ZDHHC14: variants seen among roughly 807,000 people sequenced by gnomAD.
ZDHHC14 encodes zDHHC palmitoyltransferase 14.
A neutral mutation model predicts 47.7 loss-of-function variants in ZDHHC14; 16 were observed. The observed-to-expected ratio is 0.34, with a 90% CI of 0.23 to 0.51. The LOEUF is 0.51. Among genes scored for constraint, ZDHHC14 ranks in the 20% least tolerant of loss-of-function variants. The pLI is 0.97. For missense variants in ZDHHC14, 515 were observed against 662.5 expected (o/e 0.78, Z 2.44); for synonymous variants, 293 against 278.9 (o/e 1.05, Z -0.50).
chr6:157,652,066 G>C (rs1777865784), intron 7 of ZDHHC14, among the ~76,000 whole-genome samples: 1 of 152,214 alleles, frequency 6.6e-6, no homozygotes, highest in Non-Finnish European at 1.5e-5. Flanking sequence ...GCTGGTTTGA[G>C]AACCCCCTTT....
intron 2 of ZDHHC14, among the ~76,000 whole-genome samples, chr6:157,548,082 C>G (rs1782056518): frequency 6.6e-6 from 1 of 150,608 alleles, no homozygotes; most frequent in Non-Finnish European, 1.5e-5. Flanking sequence ...GTTGTCCATA[C>G]TGTTGAATAT....
intron 1 of ZDHHC14, among the ~76,000 whole-genome samples, chr6:157,386,151 A>G (rs1015785779): frequency 6.6e-6 from 1 of 152,118 alleles, no homozygotes; most frequent in Non-Finnish European, 1.5e-5. Context: ...GAGGAAGGGA[A>G]CATGTAGGTT....
intron 1 of ZDHHC14, among the ~76,000 whole-genome samples, chr6:157,499,906 T>C (rs1780156718): frequency 6.7e-6 from 1 of 149,240 alleles, no homozygotes; most frequent in Non-Finnish European, 1.5e-5. Flanking sequence ...ATATTCTAGG[T>C]GCTAAATAAT....
chr6:157,642,599 G>A (rs1193531048), intron 5 of ZDHHC14, among the ~76,000 whole-genome samples: 1 of 152,206 alleles, frequency 6.6e-6, no homozygotes, highest in South Asian at 2.1e-4. Flanking sequence ...GGGGGAGACA[G>A]AGGTGCAGTG....
intron 5 of ZDHHC14, among the ~76,000 whole-genome samples, chr6:157,641,331 A>G (rs1460953615): frequency 6.6e-6 from 1 of 152,222 alleles, no homozygotes; most frequent in Non-Finnish European, 1.5e-5. Context: ...CTCTTAAGAC[A>G]CTGGACAAGT....
intron 1 of ZDHHC14, among the ~76,000 whole-genome samples, chr6:157,422,939 C>T (rs573818246): frequency 2.6e-5 from 4 of 152,278 alleles, no homozygotes; most frequent in African/African-American, 9.6e-5. Context: ...AATGTGTGTG[C>T]TTTACTAACT....
intron 1 of ZDHHC14, among the ~76,000 whole-genome samples, chr6:157,458,849 A>ATCTTTTTTTTTTTTTT (rs1778991333): frequency 1.2e-5 from 1 of 81,226 alleles, no homozygotes; most frequent in Non-Finnish European, 2.3e-5. Context: ...ATGTGGGTGG[A>ATCTTTTTTTTTTTTTT]TTTTTTTTTT....
Position 157,526,075 on chromosome 6 carries a change from C to T in ZDHHC14, c.246-16510C>T, listed in dbSNP as rs141663506. Among the ~76,000 whole-genome samples, 1,040 of 152,294 alleles carry T rather than the reference C, an allele frequency of 6.8e-3. 6 individuals are homozygous for T. Among genetic ancestry groups the T allele is most frequent in the Non-Finnish European group, 9.1e-3 (618 of 68,030 alleles). ...CTTCAGGGAAACCCACTGGACTAAA[C>T]CAAAACAAGAAACAGCAGGGAAGTG... On this transcript the variant is annotated intron_variant, in intron 1 of 8. Transcript: ENST00000359775.
intron 1 of ZDHHC14, among the ~76,000 whole-genome samples, chr6:157,494,988 G>T (rs1186063991): frequency 6.6e-6 from 1 of 152,044 alleles, no homozygotes; most frequent in Non-Finnish European, 1.5e-5. Flanking sequence ...GCTTAGATTT[G>T]GTATCTCAGC....
rs191592011 is a variant in ZDHHC14 at position 157,619,533 on chromosome 6, C to T, written c.566-8816C>T. 7.0e-3 allele frequency among the ~76,000 whole-genome samples: 1,073 copies of T among 152,314 alleles called. 17 individuals carry two copies. The highest frequency in any genetic ancestry group is 7.5e-3 in the Non-Finnish European group (511 of 68,030). ...CATTTCATGCCCATAGAGACTTAGC[C>T]ACCTGCCAGGTGGTGGCAAGGCCAG... On this transcript the variant is annotated intron_variant, in intron 3 of 8. Transcript: ENST00000359775.
intron 1 of ZDHHC14, among the ~76,000 whole-genome samples, chr6:157,467,741 T>C (rs922532845): frequency 1.3e-5 from 2 of 151,824 alleles, no homozygotes; most frequent in African/African-American, 4.8e-5. Flanking sequence ...GTAGAGATGG[T>C]GTTTCACCAT....
At chr6:157,614,523 T>C (rs941260651) in intron 3 of ZDHHC14, among the ~76,000 whole-genome samples, 5 of 152,218 alleles carry the variant, frequency 3.3e-5, no homozygotes, top group African/African-American at 9.6e-5. Flanking sequence ...TGACTAGGCC[T>C]TAACTCCGAG....
intron 3 of ZDHHC14, among the ~76,000 whole-genome samples, chr6:157,621,242 A>C (rs916848700): frequency 7.9e-5 from 12 of 152,158 alleles, no homozygotes; most frequent in Non-Finnish European, 1.6e-4. Context: ...TGGTGACCAT[A>C]GAGGCCAGAT....
At chr6:157,538,438 G>A (rs1781622870) in intron 1 of ZDHHC14, among the ~76,000 whole-genome samples, 1 of 152,206 alleles carries the variant, frequency 6.6e-6, no homozygotes, top group South Asian at 2.1e-4. Flanking sequence ...GGGTATGGGT[G>A]ACTTGACTCT....
chr6:157,654,729 G>A (rs182829779), intron 8 of ZDHHC14, among the ~76,000 whole-genome samples: 5 of 146,366 alleles, frequency 3.4e-5, no homozygotes, highest in East Asian at 2.2e-4. Context: ...CTAATAAAGC[G>A]TTTTCTCTCT....
chr6:157,401,747 C>T (rs1466383868), intron 1 of ZDHHC14, among the ~76,000 whole-genome samples: 2 of 147,694 alleles, frequency 1.4e-5, no homozygotes, highest in African/African-American at 2.5e-5. Flanking sequence ...GGTCACCCTG[C>T]AGTAGTGAGA....
chr6:157,661,490 T>A (rs1435455713), intron 8 of ZDHHC14, among the ~76,000 whole-genome samples: 1 of 152,222 alleles, frequency 6.6e-6, no homozygotes, highest in Non-Finnish European at 1.5e-5. Flanking sequence ...AAGTTTCTTC[T>A]TGGTCTAATT....
intron 1 of ZDHHC14, among the ~76,000 whole-genome samples, chr6:157,456,999 A>G (rs1208876890): frequency 2.7e-5 from 4 of 150,422 alleles, no homozygotes; most frequent in African/African-American, 7.3e-5. Flanking sequence ...AAATACAATA[A>G]TAAATAAATA....
chr6:157,441,671 T>C (rs1778562668), intron 1 of ZDHHC14, among the ~76,000 whole-genome samples: 1 of 152,050 alleles, frequency 6.6e-6, no homozygotes, highest in Non-Finnish European at 1.5e-5. Context: ...AAACCCTGTC[T>C]CTAAAAAAAT....
Sources: allele counts gnomAD v4.1 joint callset (sites outside exome capture counted in the v4.1 genomes callset), GRCh38; gene constraint gnomAD v4.1.1; transcripts MANE v1.5; gene names NCBI Gene and HGNC (gene_info 2026-07-23, HGNC 2026-07-21).